The following NRG3 variants were observed in gnomAD, a reference collection of about 807,000 sequenced individuals.
The protein encoded by NRG3 is neuregulin 3, also known as pro-neuregulin-3, membrane-bound isoform.
A neutral mutation model predicts 66.9 loss-of-function variants in NRG3; 31 were observed. The observed-to-expected ratio is 0.46, with a 90% CI of 0.35 to 0.63. NRG3 has a LOEUF of 0.63. NRG3 is among the 20% of genes least tolerant of loss of function. The pLI is 0.00. For missense variants in NRG3, 910 were observed against 878.9 expected (o/e 1.04, Z -0.45); for synonymous variants, 393 against 359.4 (o/e 1.09, Z -1.06).
At chr10:82,137,513 G>A (rs988073868) in intron 1 of NRG3, among the ~76,000 whole-genome samples, 3 of 152,166 alleles carry the variant, frequency 2.0e-5, no homozygotes, top group African/African-American at 7.2e-5. Context: ...AATTGGTAAA[G>A]TTCCACAGCT....
At chr10:82,793,898 G>C (rs2060689418) in intron 3 of NRG3, among the ~76,000 whole-genome samples, 1 of 152,128 alleles carries the variant, frequency 6.6e-6, no homozygotes, top group Non-Finnish European at 1.5e-5. Context: ...TGCCCCACTA[G>C]AGGGTTAATA....
chr10:82,793,582 T>A (rs1370421307), intron 3 of NRG3, among the ~76,000 whole-genome samples: 1 of 152,208 alleles, frequency 6.6e-6, no homozygotes, highest in East Asian at 1.9e-4. Flanking sequence ...TCATTCAGAA[T>A]AAGGTTATGT....
In NRG3 at chr10:82,320,283, T is replaced by C. The variant is rs116885975; in HGVS notation, c.824-38456T>C. On this transcript the variant is annotated intron_variant, in intron 1 of 8. Coordinates refer to ENST00000372141, the MANE Select transcript of NRG3 (RefSeq NM_001010848.4). Reference sequence around the variant, plus strand: ...TACAGATGACTGAGAAGTTCTTTCCTGATGCTTAGTAAATACCTAAGTCAT... The same window carrying C: ...TACAGATGACTGAGAAGTTCTTTCCCGATGCTTAGTAAATACCTAAGTCAT... Among the ~76,000 whole-genome samples, 1,416 of 152,304 alleles carry C rather than the reference T, an allele frequency of 9.3e-3. 10 individuals carry two copies. Among genetic ancestry groups the C allele is most frequent in the Non-Finnish European group, 0.016 (1,081 of 68,020 alleles).
At chr10:82,387,045 C>T (rs549921444) in intron 2 of NRG3, among the ~76,000 whole-genome samples, 4 of 152,336 alleles carry the variant, frequency 2.6e-5, no homozygotes, top group South Asian at 4.1e-4. Flanking sequence ...AGTGATCTGC[C>T]CGCCTTGGCC....
chr10:82,077,912 C>T (rs1027874078), intron 1 of NRG3, among the ~76,000 whole-genome samples: 2 of 152,116 alleles, frequency 1.3e-5, no homozygotes, highest in Middle Eastern at 3.2e-3. Flanking sequence ...AGGTATACAG[C>T]TAAGAGGCAT....
intron 1 of NRG3, among the ~76,000 whole-genome samples, chr10:82,317,323 C>T (rs1156574647): frequency 6.6e-6 from 1 of 151,322 alleles, no homozygotes; most frequent in Non-Finnish European, 1.5e-5. Flanking sequence ...AATGTCAGAT[C>T]CAGGAAGAAA....
intron 4 of NRG3, among the ~76,000 whole-genome samples, chr10:82,878,177 T>C (rs1363788381): frequency 6.6e-6 from 1 of 152,056 alleles, no homozygotes; most frequent in East Asian, 1.9e-4. Context: ...AAATAAGAGA[T>C]GGAAGAGCAC....
At chr10:82,253,712 A>G (rs990379720) in intron 1 of NRG3, among the ~76,000 whole-genome samples, 70 of 152,312 alleles carry the variant, frequency 4.6e-4, no homozygotes, top group African/African-American at 1.6e-3. Context: ...ACATTTTATC[A>G]TTTGATTCCC....
At chr10:82,004,028 C>CACACACACACACAT (rs1444609157) in intron 1 of NRG3, among the ~76,000 whole-genome samples, 22 of 145,740 alleles carry the variant, frequency 1.5e-4, no homozygotes, top group African/African-American at 5.6e-4. Context: ...CACACACACA[C>CACACACACACACAT]ACACACAGAT....
chr10:81,877,610 C>G, intron 1 of NRG3: 1 of 1,006,390 alleles, frequency 9.9e-7, no homozygotes. Context: ...TAAGTAAGGT[C>G]CAGGAGAGGG....
intron 2 of NRG3, among the ~76,000 whole-genome samples, chr10:82,517,643 G>A (rs1845793771): frequency 1.1e-5 from 1 of 88,428 alleles, no homozygotes; most frequent in African/African-American, 1.1e-4. Flanking sequence ...CCCCGTGTGT[G>A]TTTGTGTGTG....
intron 4 of NRG3, among the ~76,000 whole-genome samples, chr10:82,877,709 C>G (rs1841964505): frequency 6.6e-6 from 1 of 151,972 alleles, no homozygotes; most frequent in African/African-American, 2.4e-5. Flanking sequence ...GACTTTTAAA[C>G]CAATTATTGC....
rs180986933 is a variant in NRG3 at position 82,581,849 on chromosome 10, T to G, written c.954-156728T>G. ...TATCTTATAGAAGTTTTATACAGTT[T>G]TATATTTTACACTTAGATCTATGAT... On this transcript the variant is annotated intron_variant, in intron 2 of 8. Coordinates refer to ENST00000372141, the MANE Select transcript of NRG3 (RefSeq NM_001010848.4). Among the ~76,000 whole-genome samples the G allele has an allele frequency of 3.9e-5, 6 of 152,176 alleles. No individual in the cohort carries two copies. In the East Asian group the frequency reaches 5.8e-4, roughly 15 times the overall value.
intron 1 of NRG3, among the ~76,000 whole-genome samples, chr10:81,887,293 C>T (rs1422822243): frequency 6.6e-6 from 1 of 152,052 alleles, no homozygotes; most frequent in African/African-American, 2.4e-5. Context: ...TTAGCCTTGA[C>T]TTTATAAGGG....
intron 2 of NRG3, among the ~76,000 whole-genome samples, chr10:82,391,993 CAA>C (rs775895969): frequency 1.5e-4 from 6 of 38,860 alleles, no homozygotes; most frequent in African/African-American, 4.0e-4. Context: ...CGAGCACATG[CAA>C]AAAAAAAAAA....
chr10:82,280,375 G>A (rs2079064946), intron 1 of NRG3, among the ~76,000 whole-genome samples: 2 of 152,072 alleles, frequency 1.3e-5, no homozygotes, highest in Admixed American at 1.3e-4. Flanking sequence ...TGACAAATGT[G>A]ATGGACCTTG....
intron 1 of NRG3, among the ~76,000 whole-genome samples, chr10:82,206,420 C>T (rs2075118529): frequency 6.6e-6 from 1 of 152,188 alleles, no homozygotes; most frequent in Non-Finnish European, 1.5e-5. Flanking sequence ...TGGGCAGTAG[C>T]AGGCAGTAGG....
chr10:82,499,777 T>C (rs1843978109), intron 2 of NRG3, among the ~76,000 whole-genome samples: 1 of 152,210 alleles, frequency 6.6e-6, no homozygotes, highest in Non-Finnish European at 1.5e-5. Context: ...ATTTTACTTT[T>C]ATGATTATAT....
At chr10:82,845,379 C>T (rs1399583209) in intron 3 of NRG3, among the ~76,000 whole-genome samples, 1 of 152,158 alleles carries the variant, frequency 6.6e-6, no homozygotes, top group Non-Finnish European at 1.5e-5. Flanking sequence ...TAAGCCCTTC[C>T]TGAAGAGGCC....
Sources: gnomAD v4.1 joint callset for allele counts (sites outside exome capture counted in the v4.1 genomes callset) on GRCh38, gnomAD v4.1.1 for gene constraint, MANE v1.5 for transcripts, NCBI Gene and HGNC (gene_info 2026-07-23, HGNC 2026-07-21) for gene names.